The following ARIH1 variants were observed in gnomAD, a reference collection of about 807,000 sequenced individuals.
ARIH1 encodes ariadne RBR E3 ubiquitin protein ligase 1, also known as E3 ubiquitin-protein ligase ARIH1.
Under a neutral mutation model 85.0 loss-of-function variants are expected in ARIH1, and 8 were observed. That is an observed-to-expected ratio of 0.09 (90% confidence interval 0.06 to 0.17). ARIH1 has a LOEUF of 0.17. ARIH1 is among the 10% of genes least tolerant of loss of function. The pLI is 1.00. For synonymous variants in ARIH1, 238 were observed against 253.6 expected (o/e 0.94, Z 0.59); for missense variants, 311 against 718.1 (o/e 0.43, Z 6.48).
chr15:72,509,896 C>A (rs2063942349), intron 1 of ARIH1, among the ~76,000 whole-genome samples: 1 of 151,608 alleles, frequency 6.6e-6, no homozygotes, highest in Non-Finnish European at 1.5e-5. Context: ...ACTCCAGCCC[C>A]ACCTTTTTTT....
intron 1 of ARIH1, among the ~76,000 whole-genome samples, chr15:72,506,367 A>AAAAAAAAAAG (rs2063925670): frequency 3.6e-5 from 5 of 140,756 alleles, no homozygotes; most frequent in Non-Finnish European, 3.1e-5. Flanking sequence ...AAAAAAAAAG[A>AAAAAAAAAAG]AAAAAAAAAA....
chr15:72,474,556 G>C lies in ARIH1; in HGVS notation c.-84G>C. The stretch of plus-strand genomic sequence containing the variant: ...CAGGCCTGCGTCCGGACATCAGCCG[G>C]AGCCGGAGCGAGAGCCGGGGCCTCG... On this transcript the variant is annotated 5_prime_UTR_variant, in exon 1 of 14. Coordinates refer to ENST00000379887, the MANE Select transcript of ARIH1 (RefSeq NM_005744.5). 1 of 1,447,610 alleles carries C rather than the reference G, an allele frequency of 6.9e-7. No homozygotes were observed. Among genetic ancestry groups the C allele is most frequent in the Non-Finnish European group, 9.1e-7 (1 of 1,099,646 alleles). 89.7% of individuals were successfully genotyped at this position (1,447,610 alleles called of 1,614,324 possible). A position where few individuals can be genotyped will look rare whatever the true frequency, so the allele number is the denominator to read the frequency against.
At position 72,540,031 on chromosome 15, in the gene ARIH1, G is replaced by A. The variant is rs921207136; in HGVS notation, c.444-4789G>A. Among the ~76,000 whole-genome samples, 8 of 152,142 alleles carry A rather than the reference G, an allele frequency of 5.3e-5. No homozygotes were observed. In the East Asian group the frequency reaches 1.2e-3, roughly 22 times the overall value. On this transcript the variant is annotated intron_variant, in intron 2 of 13. Coordinates refer to ENST00000379887, the MANE Select transcript of ARIH1 (RefSeq NM_005744.5). ...TCCCAGCACTTTGGGAGGCTGAGGC[G>A]GGCAGATTACAAGGTCAGGAGTTCG...
chr15:72,542,336 A>G (rs2064110948), intron 2 of ARIH1, among the ~76,000 whole-genome samples: 1 of 152,208 alleles, frequency 6.6e-6, no homozygotes, highest in Admixed American at 6.5e-5. Context: ...AAGAAATGAA[A>G]GAAAGCAACC....
intron 2 of ARIH1, among the ~76,000 whole-genome samples, chr15:72,540,730 G>A: frequency 6.6e-6 from 1 of 152,160 alleles, no homozygotes; most frequent in East Asian, 1.9e-4. Context: ...AGAAGGTGAG[G>A]CGAGAGGATC....
chr15:72,478,918 A>G (rs997486853), intron 1 of ARIH1, among the ~76,000 whole-genome samples: 12 of 152,128 alleles, frequency 7.9e-5, no homozygotes, highest in African/African-American at 2.9e-4. Flanking sequence ...GCTCACTGCA[A>G]CCTCAACTTC....
At chr15:72,541,645 A>G (rs1407043994) in intron 2 of ARIH1, among the ~76,000 whole-genome samples, 1 of 152,262 alleles carries the variant, frequency 6.6e-6, no homozygotes, top group East Asian at 1.9e-4. Flanking sequence ...ATCGACTACA[A>G]GAGCAGACAA....
chr15:72,533,041 C>G (rs2064064853), intron 2 of ARIH1, among the ~76,000 whole-genome samples: 1 of 152,160 alleles, frequency 6.6e-6, no homozygotes, highest in African/African-American at 2.4e-5. Flanking sequence ...CAGTTCAATT[C>G]AGCATTATAC....
intron 2 of ARIH1, among the ~76,000 whole-genome samples, chr15:72,540,133 C>T (rs548565941): frequency 2.6e-5 from 4 of 151,880 alleles, no homozygotes; most frequent in Admixed American, 1.3e-4. Flanking sequence ...TGGCAGGCGC[C>T]TGTAGTCCCA....
chr15:72,534,006 A>G (rs12439018), intron 2 of ARIH1, among the ~76,000 whole-genome samples: 112,104 of 152,132 alleles, frequency 0.74, 47,363 homozygotes, highest in Non-Finnish European at 0.93. Flanking sequence ...CACTAGATAG[A>G]TAATTATGGT....
At chr15:72,507,780 C>T (rs1296484025) in intron 1 of ARIH1, among the ~76,000 whole-genome samples, 1 of 152,204 alleles carries the variant, frequency 6.6e-6, no homozygotes, top group Non-Finnish European at 1.5e-5. Context: ...GTTAAAGCTT[C>T]AGCTAGGACA....
At chr15:72,514,059 C>T (rs752517269) in intron 1 of ARIH1, among the ~76,000 whole-genome samples, 9 of 150,826 alleles carry the variant, frequency 6.0e-5, no homozygotes, top group East Asian at 2.0e-4. Flanking sequence ...AGACTGGTCT[C>T]GAACTCCTGG....
intron 3 of ARIH1, among the ~76,000 whole-genome samples, chr15:72,553,910 CTG>C (rs1167007432): frequency 6.6e-6 from 1 of 152,104 alleles, no homozygotes; most frequent in Non-Finnish European, 1.5e-5. Context: ...GAGTGAGACT[CTG>C]TCTCAAAACA....
chr15:72,482,923 C>G (rs1396818957), intron 1 of ARIH1, among the ~76,000 whole-genome samples: 1 of 151,506 alleles, frequency 6.6e-6, no homozygotes. Flanking sequence ...TCATTGCAAC[C>G]CTCACCTCTT....
At chr15:72,557,580 T>C (rs1451529190) in intron 5 of ARIH1, among the ~76,000 whole-genome samples, 3 of 152,244 alleles carry the variant, frequency 2.0e-5, no homozygotes, top group African/African-American at 7.2e-5. Flanking sequence ...ATTTTTGCTT[T>C]TGTTGCAGTT....
At chr15:72,537,880 A>T (rs1282659034) in intron 2 of ARIH1, among the ~76,000 whole-genome samples, 1 of 152,254 alleles carries the variant, frequency 6.6e-6, no homozygotes, top group Non-Finnish European at 1.5e-5. Flanking sequence ...GTCATTTAGA[A>T]GTAAACGTTA....
chr15:72,485,754 C>T (rs2063835094), intron 1 of ARIH1, among the ~76,000 whole-genome samples: 1 of 152,080 alleles, frequency 6.6e-6, no homozygotes, highest in Admixed American at 6.6e-5. Flanking sequence ...TAGGCCATAA[C>T]TTTGCTAAAT....
rs2063784521 is a variant in ARIH1 at position 72,474,452 on chromosome 15, C to T, written c.-188C>T. 5.5e-6 allele frequency: 4 copies of T among 733,850 alleles called. No individual in the cohort carries two copies. The highest frequency in any genetic ancestry group is 8.4e-6 in the Non-Finnish European group (4 of 473,818). 45.5% of individuals were successfully genotyped at this position (733,850 alleles called of 1,614,324 possible). On this transcript the variant is annotated 5_prime_UTR_variant, in exon 1 of 14. Transcript: ENST00000379887. ...CCCCTCGCTCCCTCCCTCCCTCCTCCGCGCCCTCCCCGCCGCCACCAGCCG... is the reference window on the plus strand; with the variant it reads ...CCCCTCGCTCCCTCCCTCCCTCCTCTGCGCCCTCCCCGCCGCCACCAGCCG...
intron 1 of ARIH1, among the ~76,000 whole-genome samples, chr15:72,516,828 G>A (rs996266424): frequency 6.6e-6 from 1 of 152,186 alleles, no homozygotes; most frequent in African/African-American, 2.4e-5. Flanking sequence ...TGCTTGTGGT[G>A]AAGTAAAGTG....
Sources: gnomAD v4.1 joint callset for allele counts (sites outside exome capture counted in the v4.1 genomes callset) on GRCh38, gnomAD v4.1.1 for gene constraint, MANE v1.5 for transcripts, NCBI Gene and HGNC (gene_info 2026-07-23, HGNC 2026-07-21) for gene names.